Variants in LSM12 observed in about 807,000 individuals in gnomAD.
LSM12 encodes the protein protein LSM12.
For missense variants in LSM12, 108 were observed against 238.9 expected, an observed-to-expected ratio of 0.45 and a Z score of 3.61; for synonymous variants, 74 against 87.3, an observed-to-expected ratio of 0.85 and a Z score of 0.85.
intron 2 of LSM12, among the ~76,000 whole-genome samples, chr17:44,061,244 G>A (rs2049791388): frequency 6.6e-6 from 1 of 151,708 alleles, no homozygotes; most frequent in East Asian, 1.9e-4. Context: ...TTGAACCCGG[G>A]AGGCGGAGGT....
At chr17:44,049,762 CCA>C (rs2049618318) in intron 2 of LSM12, among the ~76,000 whole-genome samples, 1 of 152,210 alleles carries the variant, frequency 6.6e-6, no homozygotes, top group Non-Finnish European at 1.5e-5. Context: ...CGTGGGGAAT[CCA>C]GAGGGATTCC....
intron 1 of LSM12, among the ~76,000 whole-genome samples, chr17:44,065,688 G>A (rs1020114297): frequency 2.6e-5 from 4 of 151,956 alleles, no homozygotes; most frequent in African/African-American, 7.3e-5. Context: ...TACGTAAAAG[G>A]ACTCCATGTG....
At chr17:44,057,478 T>C (rs2049732408) in intron 2 of LSM12, among the ~76,000 whole-genome samples, 1 of 150,206 alleles carries the variant, frequency 6.7e-6, no homozygotes, top group Admixed American at 6.6e-5. Context: ...TAAATAATAA[T>C]GTGCCAGGTA....
upstream of LSM12, among the ~76,000 whole-genome samples, chr17:44,067,051 G>A (rs961824576): frequency 7.9e-5 from 12 of 152,234 alleles, no homozygotes; most frequent in African/African-American, 2.9e-4. Flanking sequence ...TGTAATCCCA[G>A]CACTTTGGGA....
intron 2 of LSM12, among the ~76,000 whole-genome samples, chr17:44,063,085 G>A (rs769176533): frequency 5.3e-5 from 8 of 151,786 alleles, no homozygotes; most frequent in African/African-American, 1.9e-4. Flanking sequence ...AACGCCGGGC[G>A]CAGTGGCTCC....
rs552278218 is a variant in LSM12, at chr17:44,034,344, GTT to G, written c.*1862_*1863del. 2.0e-5 allele frequency among the ~76,000 whole-genome samples: 3 copies of G among 152,284 alleles called. No homozygotes were observed. The Middle Eastern group carries it at 0.01, about 518-fold the overall frequency. On this transcript the variant is annotated 3_prime_UTR_variant, in exon 5 of 5. Coordinates refer to ENST00000293406, the MANE Select transcript of LSM12 (RefSeq NM_001371445.1). ...AGACCAGTGGCAGGTGGATCTGAAA[GTT>G]TACTTCTCAGCTCGCCGACCATTTG...
At chr17:44,055,914 C>G (rs1481615231) in intron 2 of LSM12, among the ~76,000 whole-genome samples, 1 of 151,454 alleles carries the variant, frequency 6.6e-6, no homozygotes, top group Non-Finnish European at 1.5e-5. Flanking sequence ...GAATTTTAAC[C>G]GTGAAACTGG....
chr17:44,055,523 A>AG (rs2049700295), intron 2 of LSM12, among the ~76,000 whole-genome samples: 1 of 149,742 alleles, frequency 6.7e-6, no homozygotes, highest in South Asian at 2.1e-4. Flanking sequence ...AAAAAAAAAA[A>AG]AAAATTAGCC....
At chr17:44,057,845 G>A (rs1466325814) in intron 2 of LSM12, among the ~76,000 whole-genome samples, 2 of 152,014 alleles carry the variant, frequency 1.3e-5, no homozygotes, top group Non-Finnish European at 2.9e-5. Context: ...TGAGAGCCTA[G>A]TGTAATGGCA....
At chr17:44,058,841 G>T (rs2049756974) in intron 2 of LSM12, among the ~76,000 whole-genome samples, 2 of 151,640 alleles carry the variant, frequency 1.3e-5, no homozygotes, top group Non-Finnish European at 2.9e-5. Flanking sequence ...TCTCAAAAAA[G>T]AAAGAAAAAT....
chr17:44,053,075 T>A (rs1175228996), intron 2 of LSM12, among the ~76,000 whole-genome samples: 3 of 152,080 alleles, frequency 2.0e-5, no homozygotes, highest in Non-Finnish European at 4.4e-5. Context: ...CTTGATCCCT[T>A]TTCTCTTCCT....
chr17:44,040,092 A>G, intron 3 of LSM12, 55 bp downstream of exon 3: 3 of 1,363,628 alleles, frequency 2.2e-6, no homozygotes, highest in Admixed American at 3.6e-5. Context: ...GCCACCAGAC[A>G]GCACAACCAG....
intron 2 of LSM12, among the ~76,000 whole-genome samples, chr17:44,040,773 G>C (rs1013977734): frequency 5.4e-5 from 8 of 149,248 alleles, no homozygotes; most frequent in Non-Finnish European, 1.0e-4. Context: ...AGGAGGTCAA[G>C]ACCAGCCTGG....
At chr17:44,045,455 A>G (rs1221756820) in intron 2 of LSM12, among the ~76,000 whole-genome samples, 9 of 152,140 alleles carry the variant, frequency 5.9e-5, no homozygotes, top group Non-Finnish European at 1.5e-5. Flanking sequence ...TGTTTCATGT[A>G]CCAATAGTTT....
intron 2 of LSM12, among the ~76,000 whole-genome samples, chr17:44,055,170 T>G (rs1365670405): frequency 1.3e-5 from 2 of 151,964 alleles, no homozygotes; most frequent in Non-Finnish European, 2.9e-5. Flanking sequence ...TTTAACTAAG[T>G]TAATCATGAG....
intron 3 of LSM12, 125 bp from the exon 4 acceptor site, chr17:44,037,663 G>A: frequency 8.6e-7 from 1 of 1,158,830 alleles, no homozygotes; most frequent in East Asian, 2.8e-5. Context: ...CCAACAACTA[G>A]ATGCCAGCAG....
chr17:44,057,281 C>G (rs557605237), intron 2 of LSM12, among the ~76,000 whole-genome samples: 1 of 150,326 alleles, frequency 6.7e-6, no homozygotes, highest in Non-Finnish European at 1.5e-5. Flanking sequence ...TCCCAAGTAG[C>G]TGGGACTACA....
intron 2 of LSM12, among the ~76,000 whole-genome samples, chr17:44,047,206 T>C (rs959724771): frequency 2.6e-5 from 4 of 152,216 alleles, no homozygotes; most frequent in African/African-American, 7.2e-5. Context: ...AATTACTGTA[T>C]CTTCTCTGAT....
At chr17:44,061,821 ATATT>A (rs1286621926) in intron 2 of LSM12, among the ~76,000 whole-genome samples, 1 of 152,188 alleles carries the variant, frequency 6.6e-6, no homozygotes, top group Non-Finnish European at 1.5e-5. Flanking sequence ...CATCCAACAA[ATATT>A]TATTAAATAC....
Sources: gnomAD v4.1 joint callset for allele counts (sites outside exome capture counted in the v4.1 genomes callset) on GRCh38, gnomAD v4.1.1 for gene constraint, MANE v1.5 for transcripts, NCBI Gene and HGNC (gene_info 2026-07-23, HGNC 2026-07-21) for gene names.